ADGRG6: variants seen among roughly 807,000 people sequenced by gnomAD.
The protein encoded by ADGRG6 is G-protein coupled receptor 126.
In ADGRG6, 84 loss-of-function variants were observed where a neutral mutation model predicts 142.4. The ratio of observed to expected loss-of-function variants is 0.59; its 90% CI spans 0.49 to 0.71. The LOEUF is 0.71. ADGRG6 is among the 30% of genes least tolerant of loss of function. ADGRG6 has a pLI of 0.00. For synonymous variants in ADGRG6, 521 were observed against 520.5 expected (o/e 1.00, Z -0.01); for missense variants, 1,367 against 1,466.6 (o/e 0.93, Z 1.11).
At chr6:142,331,411 C>T (rs1417553019) in intron 2 of ADGRG6, among the ~76,000 whole-genome samples, 5 of 152,084 alleles carry the variant, frequency 3.3e-5, no homozygotes, top group Admixed American at 3.3e-4. Flanking sequence ...GTGATCTCAT[C>T]TTGCAGAGTC....
At chr6:142,417,803 C>A (rs183498695) in intron 21 of ADGRG6, among the ~76,000 whole-genome samples, 23 of 152,262 alleles carry the variant, frequency 1.5e-4, no homozygotes, top group African/African-American at 4.8e-4. Flanking sequence ...TTCAAAAGTT[C>A]TCTTCAGATT....
At position 142,309,327 on chromosome 6, in the gene ADGRG6, T is replaced by C. The variant is rs773531553; in HGVS notation, c.3-217T>C. 6.4e-4 allele frequency among the ~76,000 whole-genome samples: 97 copies of C among 151,998 alleles called. 1 individual carries two copies. The highest frequency in any genetic ancestry group is 1.2e-3 in the Non-Finnish European group (83 of 67,808). On this transcript the variant is annotated intron_variant, in intron 1 of 24. Transcript: ENST00000367609. ...TATTTTGATAAGGAAACTGCTACCA[T>C]GTGGCAAATAAAATGCATGGATTTA... is the stretch of plus-strand genomic sequence containing the variant.
intron 4 of ADGRG6, among the ~76,000 whole-genome samples, chr6:142,371,647 G>A (rs935813547): frequency 2.0e-5 from 3 of 151,708 alleles, no homozygotes; most frequent in South Asian, 2.1e-4. Flanking sequence ...CACCATGCCC[G>A]GCTAATTTTT....
chr6:142,332,618 C>T (rs1160874758), intron 2 of ADGRG6, among the ~76,000 whole-genome samples: 2 of 152,020 alleles, frequency 1.3e-5, no homozygotes, highest in Non-Finnish European at 2.9e-5. Context: ...TAAATCTTGC[C>T]ATGGGGCTTG....
chr6:142,368,667 A>G (rs2114857197), intron 3 of ADGRG6, among the ~76,000 whole-genome samples: 1 of 152,254 alleles, frequency 6.6e-6, no homozygotes, highest in East Asian at 1.9e-4. Context: ...ACAGAAAGAC[A>G]CGACTATGAA....
chr6:142,380,299 C>A (rs1431665580), intron 4 of ADGRG6, among the ~76,000 whole-genome samples: 2 of 151,976 alleles, frequency 1.3e-5, no homozygotes, highest in Non-Finnish European at 2.9e-5. Flanking sequence ...GGCCTCAACT[C>A]GATTTTCAGG....
chr6:142,419,746 T>A, intron 21 of ADGRG6, 75 bp from the exon 22 acceptor site: 3 of 1,200,614 alleles, frequency 2.5e-6, no homozygotes, highest in Non-Finnish European at 3.5e-6. Flanking sequence ...TAGCCCAAAC[T>A]AAGCTGAGAA....
intron 2 of ADGRG6, among the ~76,000 whole-genome samples, chr6:142,353,637 A>G (rs773128455): frequency 2.6e-5 from 4 of 152,162 alleles, no homozygotes; most frequent in Non-Finnish European, 4.4e-5. Context: ...TGCCTTGATT[A>G]ATGGTTTTGT....
intron 6 of ADGRG6, among the ~76,000 whole-genome samples, chr6:142,385,862 T>C (rs1781993974): frequency 6.6e-6 from 1 of 152,214 alleles, no homozygotes; most frequent in Admixed American, 6.5e-5. Context: ...TGATATAACA[T>C]TAATAATTTC....
At chr6:142,332,519 G>T (rs1779110507) in intron 2 of ADGRG6, among the ~76,000 whole-genome samples, 1 of 149,792 alleles carries the variant, frequency 6.7e-6, no homozygotes. Context: ...AAGGAAGTCT[G>T]GGTTAAGCAG....
At chr6:142,363,764 C>T (rs1005120795) in intron 2 of ADGRG6, among the ~76,000 whole-genome samples, 2 of 152,096 alleles carry the variant, frequency 1.3e-5, no homozygotes, top group African/African-American at 4.8e-5. Flanking sequence ...ACTTACTAGG[C>T]TAGCTCATAG....
chr6:142,367,993 A>T, intron 3 of ADGRG6, 83 bp downstream of exon 3: 3 of 717,812 alleles, frequency 4.2e-6, no homozygotes, highest in Non-Finnish European at 7.1e-6. Flanking sequence ...AGACAGAGTT[A>T]TGCTCTTTTA....
chr6:142,437,675 T>C, intron 23 of ADGRG6, 140 bp downstream of exon 23: 1 of 605,932 alleles, frequency 1.7e-6, no homozygotes, highest in Middle Eastern at 3.1e-4. Context: ...GTTGGAATCA[T>C]AGAATATCAG....
At chr6:142,304,285 T>G (rs1223066249) in intron 1 of ADGRG6, among the ~76,000 whole-genome samples, 1 of 152,212 alleles carries the variant, frequency 6.6e-6, no homozygotes, top group African/African-American at 2.4e-5. Context: ...AGTGTATTTG[T>G]ATATTGTTAT....
chr6:142,409,026 A>G (rs1377303043), intron 16 of ADGRG6, among the ~76,000 whole-genome samples: 6 of 152,304 alleles, frequency 3.9e-5, no homozygotes, highest in Non-Finnish European at 4.4e-5. Context: ...AAAATTGTAG[A>G]ACATACATAA....
chr6:142,341,924 C>G (rs1400161412), intron 2 of ADGRG6, among the ~76,000 whole-genome samples: 1 of 151,726 alleles, frequency 6.6e-6, no homozygotes, highest in Admixed American at 6.6e-5. Flanking sequence ...AATTGAAATG[C>G]CTCCCAAACT....
intron 11 of ADGRG6, among the ~76,000 whole-genome samples, chr6:142,401,030 G>A (rs1180971567): frequency 6.6e-6 from 1 of 152,058 alleles, no homozygotes; most frequent in Admixed American, 6.6e-5. Flanking sequence ...AAACTGTCAG[G>A]GTGTAGATTT....
At chr6:142,377,116 A>G (rs79100694) in intron 4 of ADGRG6, among the ~76,000 whole-genome samples, 2,454 of 152,302 alleles carry the variant, frequency 0.016, 39 homozygotes, top group Non-Finnish European at 0.026. Context: ...TGTTGCTGTT[A>G]ATGTTGTAGA....
In ADGRG6 at chr6:142,324,944, T is replaced by C. The variant is rs9496339; in HGVS notation, c.103+15300T>C. Among the ~76,000 whole-genome samples, 744 of 152,250 alleles carry C rather than the reference T, an allele frequency of 4.9e-3. 10 individuals are homozygous for C. The highest frequency in any genetic ancestry group is 0.017 in the African/African-American group (706 of 41,554). On this transcript the variant is annotated intron_variant, in intron 2 of 24. Coordinates refer to ENST00000367609, the MANE Select transcript of ADGRG6 (RefSeq NM_198569.3). Reference sequence around the variant, plus strand: ...GGAGACATTTATAATTAAGGCAACGTATCCACTCTTCAGTTTGATGTGAAG... The same window carrying C: ...GGAGACATTTATAATTAAGGCAACGCATCCACTCTTCAGTTTGATGTGAAG...
Sources: gnomAD v4.1 joint callset for allele counts (sites outside exome capture counted in the v4.1 genomes callset) on GRCh38, gnomAD v4.1.1 for gene constraint, MANE v1.5 for transcripts, NCBI Gene and HGNC (gene_info 2026-07-23, HGNC 2026-07-21) for gene names.